NARS2: variants seen among roughly 807,000 people sequenced by gnomAD.
NARS2 encodes asparaginyl-tRNA synthetase.
A neutral mutation model predicts 62.9 loss-of-function variants in NARS2; 60 were observed. That is an observed-to-expected ratio of 0.95 (90% CI 0.77 to 1.18). The LOEUF is 1.18. NARS2 is among the 50% of genes most tolerant of loss of function. The pLI is 0.00. For missense variants in NARS2, 619 were observed against 576.4 expected, an observed-to-expected ratio of 1.07 and a Z score of -0.76; for synonymous variants, 196 against 200.0, an observed-to-expected ratio of 0.98 and a Z score of 0.17.
intron 6 of NARS2, among the ~76,000 whole-genome samples, chr11:78,525,896 C>G (rs937797902): frequency 8.5e-5 from 13 of 152,090 alleles, no homozygotes; most frequent in Admixed American, 8.5e-4. Context: ...TCAAAATACC[C>G]AAATAACCCT....
At chr11:78,532,002 T>C (rs1861498044) in intron 5 of NARS2, among the ~76,000 whole-genome samples, 1 of 152,224 alleles carries the variant, frequency 6.6e-6, no homozygotes, top group Non-Finnish European at 1.5e-5. Context: ...GAAATGTACC[T>C]TTTAAAATGC....
intron 11 of NARS2, among the ~76,000 whole-genome samples, chr11:78,454,175 T>C (rs768097179): frequency 2.0e-5 from 3 of 152,204 alleles, no homozygotes; most frequent in Non-Finnish European, 4.4e-5. Flanking sequence ...AATTAAAGTA[T>C]GACCTATGGG....
At chr11:78,509,371 T>G (rs1459973675) in intron 6 of NARS2, among the ~76,000 whole-genome samples, 1 of 152,180 alleles carries the variant, frequency 6.6e-6, no homozygotes, top group African/African-American at 2.4e-5. Flanking sequence ...CACTAGGCAT[T>G]AGCTTGAAGC....
chr11:78,560,127 A>G (rs57594421), intron 4 of NARS2, among the ~76,000 whole-genome samples: 11 of 152,226 alleles, frequency 7.2e-5, no homozygotes, highest in Non-Finnish European at 1.0e-4. Context: ...GTAATGAACC[A>G]CCAAAAAAGG....
chr11:78,565,278 C>A (rs112906123), intron 4 of NARS2, among the ~76,000 whole-genome samples: 1 of 152,128 alleles, frequency 6.6e-6, no homozygotes, highest in Non-Finnish European at 1.5e-5. Context: ...GCTTACTTTA[C>A]ACAAAATATA....
intron 10 of NARS2, among the ~76,000 whole-genome samples, chr11:78,467,242 AT>A (rs1023958162): frequency 6.6e-6 from 1 of 152,210 alleles, no homozygotes; most frequent in African/African-American, 2.4e-5. Flanking sequence ...GACCTATATC[AT>A]TGCCAATAAA....
chr11:78,513,506 G>A (rs113789360), intron 6 of NARS2, among the ~76,000 whole-genome samples: 131 of 151,878 alleles, frequency 8.6e-4, no homozygotes, highest in Non-Finnish European at 1.6e-3. Context: ...GGCCGGGTGC[G>A]GTGGCTCATG....
At position 78,566,597 on chromosome 11, in the gene NARS2, T is replaced by C. The variant is rs182073931; in HGVS notation, c.373-325A>G. 2.4e-4 allele frequency among the ~76,000 whole-genome samples: 36 copies of C among 152,348 alleles called. No homozygotes were observed. The East Asian group carries it at 6.5e-3, about 28-fold the overall frequency. On this transcript the variant is annotated intron_variant, in intron 3 of 13. Coordinates refer to ENST00000281038, the MANE Select transcript of NARS2 (RefSeq NM_024678.6). Reference sequence around the variant, plus strand: ...TTCCTACAAATAGGTTAGGATTAATTATGCAAAATATCCACTGTTTGGCAC... The same window carrying C: ...TTCCTACAAATAGGTTAGGATTAATCATGCAAAATATCCACTGTTTGGCAC...
intron 5 of NARS2, among the ~76,000 whole-genome samples, chr11:78,540,069 T>C (rs1359553891): frequency 6.6e-6 from 1 of 152,182 alleles, no homozygotes; most frequent in African/African-American, 2.4e-5. Context: ...AAAACTTACG[T>C]TAGTGCAATA....
intron 13 of NARS2, among the ~76,000 whole-genome samples, chr11:78,440,453 C>T (rs1461674422): frequency 6.6e-6 from 1 of 152,118 alleles, no homozygotes; most frequent in Admixed American, 6.5e-5. Flanking sequence ...ATCTCTGGGC[C>T]TCATGCCTAG....
At chr11:78,522,853 G>A (rs1330178094) in intron 6 of NARS2, among the ~76,000 whole-genome samples, 1 of 152,154 alleles carries the variant, frequency 6.6e-6, no homozygotes, top group African/African-American at 2.4e-5. Context: ...AGTATTCAAA[G>A]GACAGCATAT....
chr11:78,496,035 A>T (rs1172628964), intron 6 of NARS2, among the ~76,000 whole-genome samples: 1 of 152,144 alleles, frequency 6.6e-6, no homozygotes, highest in East Asian at 1.9e-4. Context: ...TTTTATTTCA[A>T]TTATAGTAAG....
intron 4 of NARS2, among the ~76,000 whole-genome samples, chr11:78,564,066 T>A (rs112250420): frequency 0.056 from 8,452 of 150,598 alleles, 296 homozygotes; most frequent in South Asian, 0.11. Flanking sequence ...ACCCAGCTAA[T>A]TTTTTTGTAT....
rs952741388 is a variant in NARS2 at position 78,493,158 on chromosome 11, G to C, written c.727C>G (p.Arg243Gly). ...CTCCGGCTCTGAGAATTTTCAGCTCGGAAGGTCGGACCAAAGGTAAACACT... is the reference window on the plus strand; with the variant it reads ...CTCCGGCTCTGAGAATTTTCAGCTCCGAAGGTCGGACCAAAGGTAAACACT... ...TQVFTFGPTF[R>G]AENSQSRRHL... is the part of the protein sequence containing the mutation. The change falls in exon 7 of 14, where the codon CGA becomes GGA. Residue 243 changes from arginine (R) to glycine (G), a missense_variant. Transcript: ENST00000281038. 31 of 1,613,718 alleles carry C rather than the reference G, an allele frequency of 1.9e-5. No homozygotes were observed. The highest frequency in any genetic ancestry group is 2.2e-5 in the East Asian group (1 of 44,886).
chr11:78,573,135 G>A (rs1042985662), intron 1 of NARS2: 1 of 152,198 alleles, frequency 6.6e-6, no homozygotes, highest in African/African-American at 2.4e-5. Context: ...TGGTCATACC[G>A]CTAAAAAGTA....
chr11:78,478,002 CATT>C (rs1406878775), intron 9 of NARS2, among the ~76,000 whole-genome samples: 1 of 152,200 alleles, frequency 6.6e-6, no homozygotes, highest in African/African-American at 2.4e-5. Context: ...TCCAAATCAT[CATT>C]AACTCTCACG....
intron 11 of NARS2, among the ~76,000 whole-genome samples, chr11:78,462,325 T>C (rs1054987801): frequency 5.3e-5 from 8 of 152,198 alleles, no homozygotes; most frequent in African/African-American, 1.7e-4. Flanking sequence ...AATGTCTCCT[T>C]TTTGCTGGCA....
intron 4 of NARS2, among the ~76,000 whole-genome samples, chr11:78,564,847 T>C (rs552489790): frequency 1.3e-5 from 2 of 152,360 alleles, no homozygotes; most frequent in South Asian, 4.1e-4. Flanking sequence ...AGCATATGCC[T>C]TAAAGCCATG....
intron 6 of NARS2, among the ~76,000 whole-genome samples, chr11:78,508,714 T>C (rs1860601283): frequency 1.3e-5 from 2 of 152,106 alleles, no homozygotes; most frequent in Non-Finnish European, 2.9e-5. Context: ...GATGGTAAGA[T>C]AACCTCAAAG....
Sources: allele counts gnomAD v4.1 joint callset (sites outside exome capture counted in the v4.1 genomes callset), GRCh38; gene constraint gnomAD v4.1.1; transcripts MANE v1.5; gene names NCBI Gene and HGNC (gene_info 2026-07-23, HGNC 2026-07-21).